Variants in RBFOX1 observed in about 807,000 individuals in gnomAD.
RBFOX1 encodes RNA binding fox-1 homolog 1, also known as RNA binding protein fox-1 homolog 1.
RBFOX1 carries 8 observed loss-of-function variants against 57.7 expected under a neutral mutation model. The observed-to-expected ratio is 0.14, with a 90% CI of 0.08 to 0.25. The LOEUF is 0.25. Ranked by LOEUF, RBFOX1 falls within the 10% of genes least tolerant of loss-of-function variation. The probability of loss-of-function intolerance (pLI) is 1.00; values close to 1 mark genes in which losing one functional copy is unlikely to be tolerated. For missense variants in RBFOX1, 611 were observed against 548.5 expected (o/e 1.11, Z -1.14); for synonymous variants, 326 against 222.4 (o/e 1.47, Z -4.15).
intron 4 of RBFOX1, among the ~76,000 whole-genome samples, chr16:5,927,664 C>T (rs1384856157): frequency 6.6e-6 from 1 of 152,190 alleles, no homozygotes; most frequent in East Asian, 1.9e-4. Flanking sequence ...CATTGCAGCA[C>T]TATTCACAAC....
Position 7,620,893 on chromosome 16 carries a change from CT to C in RBFOX1, c.677-9708del, listed in dbSNP as rs532800208. Among the ~76,000 whole-genome samples the C allele has an allele frequency of 3.7e-4, 57 of 152,240 alleles. 1 individual carries two copies. In the South Asian group the frequency reaches 0.012, roughly 32 times the overall value. Reference sequence around the variant, plus strand: ...AAAAAGACGTGCATGTGGAGTACATCTTGTATAGCACCTGAAACCTAGGGCC... The same window carrying C: ...AAAAAGACGTGCATGTGGAGTACATCTGTATAGCACCTGAAACCTAGGGCC... On this transcript the variant is annotated intron_variant, in intron 10 of 15. Coordinates refer to ENST00000550418, the MANE Select transcript of RBFOX1 (RefSeq NM_018723.4).
At chr16:7,346,796 A>G (rs1003438922) in intron 4 of RBFOX1, among the ~76,000 whole-genome samples, 4 of 152,090 alleles carry the variant, frequency 2.6e-5, no homozygotes, top group African/African-American at 9.7e-5. Flanking sequence ...TGGGTTGATG[A>G]TCTCCACCAT....
At chr16:6,074,446 A>G (rs1235421191) in intron 1 of RBFOX1, among the ~76,000 whole-genome samples, 3 of 152,164 alleles carry the variant, frequency 2.0e-5, no homozygotes, top group Non-Finnish European at 1.5e-5. Flanking sequence ...TCATGATAAA[A>G]TCTCTTTGGT....
At chr16:6,877,883 C>T (rs978858692) in intron 3 of RBFOX1, among the ~76,000 whole-genome samples, 2 of 152,158 alleles carry the variant, frequency 1.3e-5, no homozygotes, top group Non-Finnish European at 2.9e-5. Flanking sequence ...GAAAGGATTG[C>T]TTCCAGACTA....
Position 6,459,861 on chromosome 16 carries a change from G to A in RBFOX1, c.-64+142804G>A, listed in dbSNP as rs182992940. ...TAGCTGGATGTGGTGGCGAATGCCT[G>A]TAATCCCAGCTACTTGGGAGGCTGA... On this transcript the variant is annotated intron_variant, in intron 2 of 15. Transcript: ENST00000550418. 2.3e-3 allele frequency among the ~76,000 whole-genome samples: 355 copies of A among 151,728 alleles called. 3 individuals are homozygous for A. The highest frequency in any genetic ancestry group is 3.1e-3 in the Non-Finnish European group (211 of 67,908).
At chr16:6,897,666 G>C (rs1263634374) in intron 3 of RBFOX1, among the ~76,000 whole-genome samples, 1 of 152,010 alleles carries the variant, frequency 6.6e-6, no homozygotes, top group African/African-American at 2.4e-5. Flanking sequence ...GGTGGCACGT[G>C]TCTGTAATCA....
intron 3 of RBFOX1, among the ~76,000 whole-genome samples, chr16:5,752,029 C>T (rs145982118): frequency 0.014 from 2,192 of 152,248 alleles, 20 homozygotes; most frequent in Non-Finnish European, 0.024. Flanking sequence ...AATCTAAATT[C>T]CCATAATGGC....
At chr16:6,754,976 T>G (rs1332001470) in intron 3 of RBFOX1, among the ~76,000 whole-genome samples, 2 of 152,144 alleles carry the variant, frequency 1.3e-5, no homozygotes, top group Non-Finnish European at 2.9e-5. Context: ...GTTCTTGGGA[T>G]AGTTTACTGA....
chr16:7,329,352 C>T (rs977827540), intron 4 of RBFOX1, among the ~76,000 whole-genome samples: 6 of 152,120 alleles, frequency 3.9e-5, no homozygotes, highest in African/African-American at 9.7e-5. Context: ...ACACCGTGAG[C>T]GTAATACCAC....
At chr16:6,028,088 C>A (rs188099672) in intron 1 of RBFOX1, among the ~76,000 whole-genome samples, 8 of 152,194 alleles carry the variant, frequency 5.3e-5, no homozygotes, top group African/African-American at 1.7e-4. Flanking sequence ...TTGGGACCAG[C>A]CCCCTGTCTT....
In RBFOX1 at chr16:6,502,027, G is replaced by T. The variant is rs541770872; in HGVS notation, c.-63-152576G>T. Among the ~76,000 whole-genome samples, 5 of 152,276 alleles carry T rather than the reference G, an allele frequency of 3.3e-5. No homozygotes were observed. The East Asian group carries it at 7.7e-4, about 24-fold the overall frequency. ...TCCTTGATTTGGAATGCCTGCTTAG[G>T]GGGGTCATGAGGGTATAACCCTGGT... On this transcript the variant is annotated intron_variant, in intron 2 of 15. Transcript: ENST00000550418.
intron 1 of RBFOX1, among the ~76,000 whole-genome samples, chr16:5,446,498 G>A (rs2068243006): frequency 6.6e-6 from 1 of 151,928 alleles, no homozygotes; most frequent in Non-Finnish European, 1.5e-5. Flanking sequence ...CTCCCTAAAT[G>A]GTCCTCTGGA....
intron 4 of RBFOX1, among the ~76,000 whole-genome samples, chr16:5,931,918 C>G (rs577038282): frequency 1.3e-5 from 2 of 152,166 alleles, no homozygotes; most frequent in Admixed American, 1.3e-4. Flanking sequence ...AGCATTCCAC[C>G]CACTTCAGCC....
At chr16:7,206,978 C>A (rs1259518045) in intron 4 of RBFOX1, among the ~76,000 whole-genome samples, 1 of 152,118 alleles carries the variant, frequency 6.6e-6, no homozygotes, top group African/African-American at 2.4e-5. Context: ...GCTTCATGGC[C>A]TTTTGCAGCC....
intron 3 of RBFOX1, among the ~76,000 whole-genome samples, chr16:7,019,170 A>T (rs2094077924): frequency 6.6e-6 from 1 of 151,938 alleles, no homozygotes; most frequent in Non-Finnish European, 1.5e-5. Flanking sequence ...TATTTCTAAA[A>T]TTTTTTAGGA....
rs115091816 is a variant in RBFOX1 at position 6,882,850 on chromosome 16, C to T, written c.-15-169207C>T. On this transcript the variant is annotated intron_variant, in intron 3 of 15. Coordinates refer to ENST00000550418, the MANE Select transcript of RBFOX1 (RefSeq NM_018723.4). ...CCCTTTTCAGAGGCTTTATGTTCAC[C>T]CCCAGGAGTGAACAACCATCTTCCT... 6.6e-5 allele frequency among the ~76,000 whole-genome samples: 10 copies of T among 152,118 alleles called. No homozygotes were observed. The South Asian group carries it at 1.7e-3, about 25-fold the overall frequency.
At chr16:5,626,251 C>T (rs987338519) in intron 3 of RBFOX1, among the ~76,000 whole-genome samples, 1 of 152,208 alleles carries the variant, frequency 6.6e-6, no homozygotes, top group Non-Finnish European at 1.5e-5. Context: ...GGCAAGCAGT[C>T]AGAGATCAAG....
intron 3 of RBFOX1, among the ~76,000 whole-genome samples, chr16:5,742,718 G>A (rs2052820478): frequency 2.0e-5 from 3 of 152,218 alleles, no homozygotes; most frequent in Admixed American, 6.5e-5. Flanking sequence ...CTTAAAGAAA[G>A]CGAAGTGAGT....
chr16:5,486,651 T>G (rs1162477723), intron 2 of RBFOX1, among the ~76,000 whole-genome samples: 1 of 152,194 alleles, frequency 6.6e-6, no homozygotes, highest in Non-Finnish European at 1.5e-5. Flanking sequence ...GACTTGTCCA[T>G]CAGGTCTCAG....
Sources: allele counts gnomAD v4.1 joint callset (sites outside exome capture counted in the v4.1 genomes callset), GRCh38; gene constraint gnomAD v4.1.1; transcripts MANE v1.5; gene names NCBI Gene and HGNC (gene_info 2026-07-23, HGNC 2026-07-21).